The following DIP2C variants were observed in gnomAD, a reference collection of about 807,000 sequenced individuals.
The protein encoded by DIP2C is DIP2 acetate--CoA ligase C (putative).
In DIP2C, 33 loss-of-function variants were observed where a neutral mutation model predicts 192.4. That is an observed-to-expected ratio of 0.17 (90% CI 0.13 to 0.23). The LOEUF is 0.23. Among genes scored for constraint, DIP2C ranks in the 10% least tolerant of loss-of-function variants. The probability of loss-of-function intolerance (pLI) is 1.00; values close to 1 mark genes in which losing one functional copy is unlikely to be tolerated. For synonymous variants in DIP2C, 979 were observed against 864.1 expected (o/e 1.13, Z -2.33); for missense variants, 1,537 against 2,110.1 (o/e 0.73, Z 5.32).
intron 1 of DIP2C, among the ~76,000 whole-genome samples, chr10:639,283 G>A (rs867587871): frequency 6.9e-6 from 1 of 145,770 alleles, no homozygotes; most frequent in Non-Finnish European, 1.5e-5. Context: ...TCCACACGTG[G>A]GGACGCGTCA....
At chr10:598,827 G>A (rs1363432240) in intron 1 of DIP2C, among the ~76,000 whole-genome samples, 1 of 152,230 alleles carries the variant, frequency 6.6e-6, no homozygotes, top group Non-Finnish European at 1.5e-5. Flanking sequence ...GGTCATGGGT[G>A]TCTCCGACAT....
chr10:372,713 G>A (rs540024833), intron 17 of DIP2C, among the ~76,000 whole-genome samples: 271 of 149,820 alleles, frequency 1.8e-3, no homozygotes, highest in African/African-American at 5.3e-3. Flanking sequence ...GCACAGAAGC[G>A]CAGGAGGTCC....
chr10:425,714 C>T (rs1966552324), intron 4 of DIP2C, among the ~76,000 whole-genome samples: 1 of 152,158 alleles, frequency 6.6e-6, no homozygotes, highest in South Asian at 2.1e-4. Flanking sequence ...ACCAGAGCGA[C>T]AGGAATTCAG....
At chr10:577,381 G>C (rs117194965) in intron 1 of DIP2C, among the ~76,000 whole-genome samples, 12 of 152,348 alleles carry the variant, frequency 7.9e-5, no homozygotes, top group Non-Finnish European at 1.3e-4. Context: ...AATTAGTCAC[G>C]TTTAAGTCAG....
chr10:585,895 A>G (rs1233238264), intron 1 of DIP2C, among the ~76,000 whole-genome samples: 2 of 152,208 alleles, frequency 1.3e-5, no homozygotes, highest in Non-Finnish European at 2.9e-5. Flanking sequence ...TCACCATATT[A>G]GAGGGTTAAG....
intron 4 of DIP2C, among the ~76,000 whole-genome samples, chr10:439,863 T>G (rs945357165): frequency 6.6e-6 from 1 of 152,198 alleles, no homozygotes; most frequent in African/African-American, 2.4e-5. Context: ...CATTTTCAAC[T>G]ATTCATATTG....
chr10:487,567 G>GTTTTTTT (rs71376836), intron 1 of DIP2C, among the ~76,000 whole-genome samples: 3 of 54,200 alleles, frequency 5.5e-5, no homozygotes, highest in African/African-American at 2.4e-4. Flanking sequence ...ATCAATGAGT[G>GTTTTTTT]TTTTTTTTTT....
intron 8 of DIP2C, 78 bp downstream of exon 8, chr10:413,835 C>T (rs920348490): frequency 3.9e-6 from 6 of 1,531,052 alleles, no homozygotes; most frequent in South Asian, 2.5e-5. Context: ...AGGATGTAAA[C>T]GGACACTGAG....
chr10:449,786 A>G (rs950623575), intron 3 of DIP2C, among the ~76,000 whole-genome samples: 2 of 140,562 alleles, frequency 1.4e-5, no homozygotes, highest in Non-Finnish European at 3.0e-5. Context: ...TATAATTAAA[A>G]AAAAAAAAAA....
At chr10:538,443 T>G (rs1235539688) in intron 1 of DIP2C, among the ~76,000 whole-genome samples, 1 of 152,208 alleles carries the variant, frequency 6.6e-6, no homozygotes, top group African/African-American at 2.4e-5. Context: ...GCATGAGGCA[T>G]GAGCCATTGT....
chr10:563,226 T>C (rs1461213280), intron 1 of DIP2C, among the ~76,000 whole-genome samples: 1 of 152,248 alleles, frequency 6.6e-6, no homozygotes, highest in East Asian at 1.9e-4. Flanking sequence ...GGTGCATCCA[T>C]ACGATTTTAA....
At chr10:310,335 T>C (rs1034460603) in intron 31 of DIP2C, among the ~76,000 whole-genome samples, 7 of 151,826 alleles carry the variant, frequency 4.6e-5, no homozygotes, top group Admixed American at 2.0e-4. Context: ...TATATAAAAA[T>C]AGGAAAGAAA....
Position 574,627 on chromosome 10 carries a change from G to A in DIP2C, c.86-88097C>T, listed in dbSNP as rs147131500. 2.4e-3 allele frequency among the ~76,000 whole-genome samples: 359 copies of A among 152,284 alleles called. 4 individuals carry two copies. Among genetic ancestry groups the A allele is most frequent in the African/African-American group, 8.2e-3 (339 of 41,562 alleles). ...AACCGAAACATACTCAAGAGACCCT[G>A]ATTCTTTGAAACACAATCTGCCCCA... On this transcript the variant is annotated intron_variant, in intron 1 of 36. Transcript: ENST00000280886.
intron 3 of DIP2C, among the ~76,000 whole-genome samples, chr10:458,079 T>C (rs1258855461): frequency 6.6e-6 from 1 of 152,160 alleles, no homozygotes; most frequent in Non-Finnish European, 1.5e-5. Context: ...TTAACACATT[T>C]AAATGTAAAA....
At chr10:452,380 A>T (rs190512397) in intron 3 of DIP2C, among the ~76,000 whole-genome samples, 68 of 152,172 alleles carry the variant, frequency 4.5e-4, no homozygotes, top group African/African-American at 1.6e-3. Context: ...CCATCATCAA[A>T]ACACGGCAAA....
intron 7 of DIP2C, among the ~76,000 whole-genome samples, chr10:414,762 GTA>G (rs1229136650): frequency 3.8e-5 from 2 of 53,288 alleles, no homozygotes; most frequent in African/African-American, 6.8e-5. Context: ...TATATAATGT[GTA>G]TATATATAAT....
At chr10:492,512 T>TCA (rs1202596784) in intron 1 of DIP2C, among the ~76,000 whole-genome samples, 1 of 152,186 alleles carries the variant, frequency 6.6e-6, no homozygotes, top group African/African-American at 2.4e-5. Flanking sequence ...ATTCATACAT[T>TCA]CACCTGAGCT....
chr10:639,238 ACGCG>A (rs1855013610), intron 1 of DIP2C, among the ~76,000 whole-genome samples: 1 of 135,972 alleles, frequency 7.4e-6, no homozygotes, highest in Non-Finnish European at 1.5e-5. Context: ...ACACATGGGG[ACGCG>A]TCAGGTCGGG....
At chr10:574,543 G>GGCAC (rs74806154) in intron 1 of DIP2C, among the ~76,000 whole-genome samples, 20,651 of 152,062 alleles carry the variant, frequency 0.14, 1,715 homozygotes, top group East Asian at 0.26. Context: ...ATCGTGGTGG[G>GGCAC]GCACCCTGAT....
Sources: gnomAD v4.1 joint callset for allele counts (sites outside exome capture counted in the v4.1 genomes callset) on GRCh38, gnomAD v4.1.1 for gene constraint, MANE v1.5 for transcripts, NCBI Gene and HGNC (gene_info 2026-07-23, HGNC 2026-07-21) for gene names.